The following INPP5D variants were observed in gnomAD, a reference collection of about 807,000 sequenced individuals.
The protein encoded by INPP5D is phosphatidylinositol 3,4,5-trisphosphate 5-phosphatase 1.
Under a neutral mutation model 122.9 loss-of-function variants are expected in INPP5D, and 33 were observed. That is an observed-to-expected ratio of 0.27 (90% CI 0.20 to 0.36). The LOEUF is 0.36. Among genes scored for constraint, INPP5D ranks in the 10% least tolerant of loss-of-function variants. INPP5D has a pLI of 1.00. For synonymous variants in INPP5D, 584 were observed against 576.2 expected (o/e 1.01, Z -0.19); for missense variants, 1,053 against 1,412.7 (o/e 0.75, Z 4.08).
chr2:233,206,725 C>A lies in INPP5D; in HGVS notation c.*17C>A. 1 of 769,712 alleles carries A rather than the reference C, an allele frequency of 1.3e-6. No homozygotes were observed. 47.7% of individuals were successfully genotyped at this position (769,712 alleles called of 1,614,324 possible). ...CCACAGTGAAGCCCTCAGTGAGCTG[C>A]CACTGAGTCGGGAGCCCAGAGGAAC... is the stretch of plus-strand genomic sequence containing the variant. On this transcript the variant is annotated 3_prime_UTR_variant, in exon 27 of 27. Coordinates refer to ENST00000445964, the MANE Select transcript of INPP5D (RefSeq NM_001017915.3). The surrounding 1 kb of genome is among the most constrained non-coding windows in gnomAD (Gnocchi z 4.0).
rs1320271205 is a variant in INPP5D at position 233,177,637 on chromosome 2, G to A, written c.2071+291G>A. On this transcript the variant is annotated intron_variant, in intron 18 of 26. Transcript: ENST00000445964. The surrounding 1 kb of genome is among the most constrained non-coding windows in gnomAD (Gnocchi z 4.2). ...CACCCAGGCTGGAGTACAATGGCAT[G>A]ATCTCATCTCACCACAACTTCTACC... is the stretch of plus-strand genomic sequence containing the variant. Among the ~76,000 whole-genome samples the A allele has an allele frequency of 2.0e-5, 3 of 152,190 alleles. No individual in the cohort carries two copies. Among genetic ancestry groups the A allele is most frequent in the Non-Finnish European group, 4.4e-5 (3 of 68,040 alleles).
rs1693239016 is a variant in INPP5D, at chr2:233,128,827, C to T, written c.525-1681C>T. Among the ~76,000 whole-genome samples the T allele has an allele frequency of 6.6e-6, 1 of 152,162 alleles. No homozygotes were observed. Among genetic ancestry groups the T allele is most frequent in the Non-Finnish European group, 1.5e-5 (1 of 68,030 alleles). On this transcript the variant is annotated intron_variant, in intron 4 of 26. Transcript: ENST00000445964. This position sits in a 1 kb window ranked among gnomAD's most constrained non-coding sequence, Gnocchi z 4.5. ...CGGCTTTTCATTCTTTCACAGATTC[C>T]ACAGGAAAAGCCTTGTGGCCTTTAG...
Position 233,198,174 on chromosome 2 carries a change from A to T in INPP5D, c.2773A>T (p.Met925Leu). The T allele has an allele frequency of 6.2e-7, 1 of 1,613,542 alleles. No individual in the cohort carries two copies. The highest frequency in any genetic ancestry group is 1.7e-5 in the Admixed American group (1 of 60,026). ...YMGVGPFGPP[M>L]PLHVKQTLSP... Reference sequence around the variant, plus strand: ...GGGAGTGGGGCCCTTTGGGCCACCAATGCCCCTGCACGTGAAGCAGACCTT... The same window carrying T: ...GGGAGTGGGGCCCTTTGGGCCACCATTGCCCCTGCACGTGAAGCAGACCTT... Residue 925 changes from methionine to leucine, a missense_variant, in exon 25 of 27, where the codon ATG (methionine) becomes TTG (leucine). Physicochemically the swap from Met to Leu is conservative, Grantham distance 15. Around this residue, in one of 6 missense-constraint regions of INPP5D, gnomAD observed 417 missense variants for 425.8 expected, o/e 0.98. Transcript: ENST00000445964.
At position 233,207,639 on chromosome 2, in the gene INPP5D, C is replaced by G. The variant is rs1695548914; in HGVS notation, c.*931C>G. The G allele has an allele frequency of 6.6e-6, 1 of 152,400 alleles. No individual in the cohort carries two copies. Among genetic ancestry groups the G allele is most frequent in the Non-Finnish European group, 1.5e-5 (1 of 68,064 alleles). The allele number at this position is 152,400 out of a possible 1,614,324, so 9.4% of individuals were successfully genotyped here. On this transcript the variant is annotated 3_prime_UTR_variant, in exon 27 of 27. Transcript: ENST00000445964. The surrounding 1 kb of genome is among the most constrained non-coding windows in gnomAD (Gnocchi z 4.6). ...TGCTCCCGAAAGCCGTGCTCTCCAG[C>G]CTGGCTGCCAGGGAGGGTGGGCCTC...
At chr2:233,065,988 C>T (rs11677752) in intron 1 of INPP5D, among the ~76,000 whole-genome samples, 6 of 151,164 alleles carry the variant, frequency 4.0e-5, no homozygotes, top group African/African-American at 7.4e-5. Context: ...TTTTGAGACA[C>T]GGTCTTTCGC....
intron 22 of INPP5D, among the ~76,000 whole-genome samples, chr2:233,190,478 G>A (rs1574798926): frequency 6.6e-6 from 1 of 152,164 alleles, no homozygotes; most frequent in Non-Finnish European, 1.5e-5. Flanking sequence ...GCCACCCTCT[G>A]CCCGAAGACC....
At chr2:233,134,711 G>A (rs186578070) in intron 5 of INPP5D, among the ~76,000 whole-genome samples, 6 of 152,214 alleles carry the variant, frequency 3.9e-5, no homozygotes, top group East Asian at 1.9e-4. Context: ...ATGGAGACAC[G>A]GAAAGGATTG....
intron 2 of INPP5D, among the ~76,000 whole-genome samples, chr2:233,093,146 CT>C (rs1238370087): frequency 2.0e-5 from 3 of 152,130 alleles, no homozygotes; most frequent in Non-Finnish European, 4.4e-5. Context: ...CTTGTCTAAT[CT>C]TTCTTTTCTT....
intron 2 of INPP5D, among the ~76,000 whole-genome samples, chr2:233,080,219 C>T (rs1691638326): frequency 1.3e-5 from 2 of 152,108 alleles, no homozygotes; most frequent in Admixed American, 6.5e-5. Context: ...CATGAGCCAC[C>T]CCGCCAGGCT....
intron 13 of INPP5D, among the ~76,000 whole-genome samples, chr2:233,168,120 C>G (rs1275824660): frequency 6.6e-6 from 1 of 151,094 alleles, no homozygotes; most frequent in African/African-American, 2.4e-5. Flanking sequence ...TTATTACAAT[C>G]AATAGATCAA....
Position 233,204,596 on chromosome 2 carries a change from C to T in INPP5D, c.3446C>T (p.Ala1149Val). The T allele has an allele frequency of 1.9e-6, 3 of 1,568,892 alleles. No homozygotes were observed. The highest frequency in any genetic ancestry group is 2.6e-6 in the Non-Finnish European group (3 of 1,158,378). ...PRPPLPVKSPAVLHLQHSKGR... is the reference protein window; with the variant it reads ...PRPPLPVKSPVVLHLQHSKGR... ...CCGCCGCTGCCAGTCAAGAGCCCGG[C>T]GGTGCTGCACCTCCAGCACTCCAAG... Residue 1149 changes from alanine to valine, a missense_variant, in exon 26 of 27, where the codon GCG (alanine) becomes GTG (valine). By Grantham distance (64) the Ala-to-Val change is moderately conservative (BLOSUM62 0). This residue lies in a region of INPP5D where 417 missense variants were observed against 425.8 expected (regional missense o/e 0.98). Transcript: ENST00000445964.
chr2:233,080,733 G>A (rs1691662864), intron 2 of INPP5D, among the ~76,000 whole-genome samples: 2 of 152,194 alleles, frequency 1.3e-5, no homozygotes, highest in African/African-American at 4.8e-5. Flanking sequence ...TGGACTCAAG[G>A]TGTGGGGAGA....
chr2:233,202,258 G>T (rs909614023), intron 25 of INPP5D, among the ~76,000 whole-genome samples: 9 of 152,184 alleles, frequency 5.9e-5, no homozygotes, highest in Non-Finnish European at 1.3e-4. Flanking sequence ...GCACCCTCCT[G>T]TGCCCTCTTC....
intron 5 of INPP5D, among the ~76,000 whole-genome samples, chr2:233,135,296 A>G (rs1363828858): frequency 6.6e-6 from 1 of 152,098 alleles, no homozygotes; most frequent in Non-Finnish European, 1.5e-5. Flanking sequence ...CCTAGGCTCA[A>G]GTGATCCTCC....
chr2:233,095,575 C>G (rs1417264444), intron 2 of INPP5D, among the ~76,000 whole-genome samples: 1 of 143,520 alleles, frequency 7.0e-6, no homozygotes, highest in Admixed American at 7.2e-5. Context: ...GTGAACCGAG[C>G]CACTGGACTC....
In INPP5D at chr2:233,188,778, G is replaced by T. The variant is rs1338439873; in HGVS notation, c.2359-1072G>T. ...GGGTTTCACCATGTTGGCCAGGCTG[G>T]TCTTGAACTCCTGACCTCAAGTGAT... On this transcript the variant is annotated intron_variant, in intron 21 of 26. Coordinates refer to ENST00000445964, the MANE Select transcript of INPP5D (RefSeq NM_001017915.3). This position sits in a 1 kb window ranked among gnomAD's most constrained non-coding sequence, Gnocchi z 4.7. 6.6e-6 allele frequency among the ~76,000 whole-genome samples: 1 copy of T among 152,236 alleles called. No homozygotes were observed. Among genetic ancestry groups the T allele is most frequent in the African/African-American group, 2.4e-5 (1 of 41,552 alleles).
rs58284775 is a variant in INPP5D at position 233,094,512 on chromosome 2, C to CAAAAAAAAAAAAA, written c.198+15132_198+15144dup. Among the ~76,000 whole-genome samples, 252 of 34,950 alleles carry CAAAAAAAAAAAAA rather than the reference C, an allele frequency of 7.2e-3. 109 individuals are homozygous for CAAAAAAAAAAAAA. Among genetic ancestry groups the CAAAAAAAAAAAAA allele is most frequent in the African/African-American group, 9.4e-3 (78 of 8,254 alleles). 22.9% of individuals were successfully genotyped at this position (34,950 alleles called of 152,430 possible). Reference sequence around the variant, plus strand: ...TGGGCAATAGAGCAAGACTCCATCCCAAAAAAAAAAAAAAAAAAAAAAAAA... The same window carrying CAAAAAAAAAAAAA: ...TGGGCAATAGAGCAAGACTCCATCCCAAAAAAAAAAAAAAAAAAAAAAAAAAAAAAAAAAAAAA... On this transcript the variant is annotated intron_variant, in intron 2 of 26. Transcript: ENST00000445964.
rs1488856789 is a variant in INPP5D at position 233,078,944 on chromosome 2, G to T, written c.135-391G>T. The stretch of plus-strand genomic sequence containing the variant: ...GATCCACCCATCTCAGCCTCCCAAA[G>T]TGCTGGGATTACAGGCGTGAGCCAC... On this transcript the variant is annotated intron_variant, in intron 1 of 26. Transcript: ENST00000445964. This position sits in a 1 kb window ranked among gnomAD's most constrained non-coding sequence, Gnocchi z 4.6. 6.6e-6 allele frequency among the ~76,000 whole-genome samples: 1 copy of T among 152,122 alleles called. No individual in the cohort carries two copies. The highest frequency in any genetic ancestry group is 2.4e-5 in the African/African-American group (1 of 41,424).
At chr2:233,176,448 G>T (rs1204578424) in intron 17 of INPP5D, among the ~76,000 whole-genome samples, 2 of 137,870 alleles carry the variant, frequency 1.5e-5, no homozygotes, top group African/African-American at 2.7e-5. Context: ...TGGATGGATG[G>T]GTGGATAGGT....
Sources: allele counts gnomAD v4.1 joint callset (sites outside exome capture counted in the v4.1 genomes callset), GRCh38; gene constraint gnomAD v4.1.1; regional missense constraint gnomAD v4.1.1; non-coding constraint Gnocchi (gnomAD v3.1); transcripts MANE v1.5; gene names NCBI Gene and HGNC (gene_info 2026-07-23, HGNC 2026-07-21).